The following PBX3 variants were observed in gnomAD, a reference collection of about 807,000 sequenced individuals.
PBX3 encodes pre-B-cell leukemia transcription factor 3.
Under a neutral mutation model 48.5 loss-of-function variants are expected in PBX3, and 14 were observed. The observed-to-expected ratio is 0.29, with a 90% CI of 0.19 to 0.45. The LOEUF (loss-of-function observed/expected upper bound fraction) is 0.45, where lower values mean the gene tolerates loss of function less well. PBX3 is among the 20% of genes least tolerant of loss of function. PBX3 has a pLI of 1.00. For synonymous variants in PBX3, 210 were observed against 200.3 expected (o/e 1.05, Z -0.41); for missense variants, 386 against 546.7 (o/e 0.71, Z 2.93).
At chr9:125,939,777 T>C (rs999777607) in intron 5 of PBX3, among the ~76,000 whole-genome samples, 1 of 152,176 alleles carries the variant, frequency 6.6e-6, no homozygotes, top group Non-Finnish European at 1.5e-5. Flanking sequence ...TCAATTCATG[T>C]TGAGTGAAAA....
chr9:125,862,073 T>C (rs1201723044), intron 2 of PBX3, among the ~76,000 whole-genome samples: 3 of 152,238 alleles, frequency 2.0e-5, no homozygotes, highest in Non-Finnish European at 4.4e-5. Flanking sequence ...TTCACATTTC[T>C]GAAATCAGGA....
chr9:125,839,728 T>G (rs1206092665), intron 2 of PBX3, among the ~76,000 whole-genome samples: 3 of 152,134 alleles, frequency 2.0e-5, no homozygotes, highest in Non-Finnish European at 4.4e-5. Flanking sequence ...AGTATATATA[T>G]TGTATGGACA....
chr9:125,805,359 G>A (rs527315963), intron 2 of PBX3, among the ~76,000 whole-genome samples: 2 of 152,198 alleles, frequency 1.3e-5, no homozygotes, highest in Admixed American at 6.5e-5. Flanking sequence ...GATGCAGGGG[G>A]TTCTGGGCAG....
intron 2 of PBX3, among the ~76,000 whole-genome samples, chr9:125,810,485 C>A (rs1056780653): frequency 6.6e-6 from 1 of 151,816 alleles, no homozygotes; most frequent in Admixed American, 6.6e-5. Flanking sequence ...TGTCTTTTTA[C>A]AGAATTTCAT....
intron 2 of PBX3, among the ~76,000 whole-genome samples, chr9:125,897,446 T>C (rs1840801380): frequency 1.3e-5 from 2 of 151,734 alleles, no homozygotes; most frequent in South Asian, 4.1e-4. Flanking sequence ...ATGATCTGAG[T>C]GTGAAGTGAT....
chr9:125,828,472 T>G (rs1477670091), intron 2 of PBX3, among the ~76,000 whole-genome samples: 3 of 152,182 alleles, frequency 2.0e-5, no homozygotes, highest in Non-Finnish European at 2.9e-5. Flanking sequence ...CTTGAAACAT[T>G]CTGTATTCTA....
chr9:125,878,357 G>A (rs1840304275), intron 2 of PBX3, among the ~76,000 whole-genome samples: 1 of 152,206 alleles, frequency 6.6e-6, no homozygotes. Context: ...TAAGAAAGAT[G>A]ACATTTGGTG....
chr9:125,930,204 G>A (rs905393137), intron 4 of PBX3, among the ~76,000 whole-genome samples: 12 of 152,188 alleles, frequency 7.9e-5, no homozygotes, highest in Admixed American at 2.6e-4. Context: ...AATGTTACAC[G>A]GGTTGTGCAT....
chr9:125,853,848 C>G (rs1174082927), intron 2 of PBX3, among the ~76,000 whole-genome samples: 1 of 151,826 alleles, frequency 6.6e-6, no homozygotes, highest in East Asian at 1.9e-4. Flanking sequence ...AAAATAAAAC[C>G]CAAGTAAAAA....
At chr9:125,820,080 G>T (rs1049536589) in intron 2 of PBX3, among the ~76,000 whole-genome samples, 33 of 152,156 alleles carry the variant, frequency 2.2e-4, no homozygotes, top group African/African-American at 7.5e-4. Flanking sequence ...GAAAACGTTT[G>T]CACTGCACTG....
At chr9:125,772,711 A>G (rs1836971628) in intron 2 of PBX3, among the ~76,000 whole-genome samples, 1 of 152,226 alleles carries the variant, frequency 6.6e-6, no homozygotes, top group South Asian at 2.1e-4. Context: ...CGTGGTATGT[A>G]ATAGATGCTT....
At chr9:125,899,313 A>T (rs1293897548) in intron 2 of PBX3, among the ~76,000 whole-genome samples, 6 of 109,260 alleles carry the variant, frequency 5.5e-5, no homozygotes, top group Admixed American at 2.0e-4. Context: ...ACATATATGT[A>T]TATATTTTTA....
chr9:125,824,575 T>G (rs1838752426), intron 2 of PBX3, among the ~76,000 whole-genome samples: 1 of 152,226 alleles, frequency 6.6e-6, no homozygotes, highest in Admixed American at 6.5e-5. Flanking sequence ...AGTCTAGTCC[T>G]AGGCCTTCCT....
intron 4 of PBX3, among the ~76,000 whole-genome samples, chr9:125,933,708 G>A (rs532364477): frequency 6.6e-6 from 1 of 152,228 alleles, no homozygotes; most frequent in South Asian, 2.1e-4. Context: ...CTTTAACCTA[G>A]AGCTGCCTTC....
chr9:125,796,083 G>A (rs1040272688), intron 2 of PBX3, among the ~76,000 whole-genome samples: 2 of 151,986 alleles, frequency 1.3e-5, no homozygotes, highest in Non-Finnish European at 2.9e-5. Context: ...CTTTATTTGC[G>A]GTTATACAAT....
At chr9:125,769,087 A>G (rs1284976371) in intron 2 of PBX3, among the ~76,000 whole-genome samples, 1 of 152,188 alleles carries the variant, frequency 6.6e-6, no homozygotes, top group Non-Finnish European at 1.5e-5. Flanking sequence ...CAGAATATTA[A>G]AAAGACACAG....
intron 4 of PBX3, 54 bp downstream of exon 4, chr9:125,929,899 T>G: frequency 7.3e-7 from 1 of 1,363,642 alleles, no homozygotes; most frequent in Non-Finnish European, 1.0e-6. Context: ...TCACTCCTTG[T>G]GTATTATTTT....
At chr9:125,764,756 T>C (rs1216895634) in intron 2 of PBX3, among the ~76,000 whole-genome samples, 1 of 152,184 alleles carries the variant, frequency 6.6e-6, no homozygotes, top group Non-Finnish European at 1.5e-5. Flanking sequence ...ATTGCAAAGG[T>C]TTGCTTTTCA....
chr9:125,849,619 T>C (rs1266200689), intron 2 of PBX3, among the ~76,000 whole-genome samples: 2 of 152,062 alleles, frequency 1.3e-5, no homozygotes, highest in Admixed American at 1.3e-4. Context: ...ATCAATATCA[T>C]GTCATAGTTT....
Sources: gnomAD v4.1 joint callset for allele counts (sites outside exome capture counted in the v4.1 genomes callset) on GRCh38, gnomAD v4.1.1 for gene constraint, MANE v1.5 for transcripts, NCBI Gene and HGNC (gene_info 2026-07-23, HGNC 2026-07-21) for gene names.